Variants in SLC9C2 observed in about 807,000 individuals in gnomAD.
SLC9C2 encodes solute carrier family 9 member C2 (putative).
Under a neutral mutation model 140.2 loss-of-function variants are expected in SLC9C2, and 75 were observed. That is an observed-to-expected ratio of 0.53 (90% CI 0.44 to 0.65). The LOEUF (loss-of-function observed/expected upper bound fraction) is 0.65, where lower values mean the gene tolerates loss of function less well. Ranked by LOEUF, SLC9C2 falls within the 30% of genes least tolerant of loss-of-function variation. The pLI, the probability that SLC9C2 is intolerant of heterozygous loss-of-function variation, is 0.00. For missense variants in SLC9C2, 1,074 were observed against 1,331.8 expected (o/e 0.81, Z 3.01); for synonymous variants, 375 against 420.9 (o/e 0.89, Z 1.34).
At position 173,548,375 on chromosome 1, in the gene SLC9C2, A is replaced by G. The variant is rs778046239; in HGVS notation, c.1461+14T>C. ...AAGGAAAGGAAAACTACTTTTTGCC[A>G]GGTATCAACTCACAGGAATGTATTC... On this transcript the variant is annotated intron_variant, in intron 12 of 27. Transcript: ENST00000367714. The G allele has an allele frequency of 8.1e-6, 13 of 1,601,536 alleles. No homozygotes were observed. In the South Asian group the frequency reaches 1.5e-4, roughly 18 times the overall value.
At chr1:173,575,050 G>T (rs1207166601) in intron 8 of SLC9C2, among the ~76,000 whole-genome samples, 1 of 152,072 alleles carries the variant, frequency 6.6e-6, no homozygotes, top group Non-Finnish European at 1.5e-5. Context: ...AGCCCTGGAG[G>T]TGGAGGCCAT....
intron 21 of SLC9C2, among the ~76,000 whole-genome samples, chr1:173,522,583 G>A (rs1424957461): frequency 1.3e-5 from 2 of 152,156 alleles, no homozygotes; most frequent in Non-Finnish European, 2.9e-5. Flanking sequence ...TTTAGATAGA[G>A]AAAAATGTTT....
chr1:173,512,026 C>A (rs941599006), intron 23 of SLC9C2, among the ~76,000 whole-genome samples: 1 of 152,098 alleles, frequency 6.6e-6, no homozygotes, highest in Non-Finnish European at 1.5e-5. Flanking sequence ...TGTTTTGGTA[C>A]CAGTACCATG....
At chr1:173,589,222 A>T (rs1666023767) in intron 4 of SLC9C2, among the ~76,000 whole-genome samples, 1 of 152,114 alleles carries the variant, frequency 6.6e-6, no homozygotes, top group Non-Finnish European at 1.5e-5. Context: ...TTATTTGCCA[A>T]TTCAATTTTT....
Position 173,509,612 on chromosome 1 carries a change from G to T in SLC9C2, c.2995C>A (p.Leu999Ile), listed in dbSNP as rs925713768. The change falls in exon 24 of 28, where the codon CTC (leucine) becomes ATC (isoleucine). Residue 999 changes from leucine to isoleucine, a missense_variant. Leu to Ile is a conservative substitution (Grantham distance 5, BLOSUM62 2). Transcript: ENST00000367714. ...LEYKIWLKLALSTAYQYFESS... is the reference protein window; with the variant it reads ...LEYKIWLKLAISTAYQYFESS... The stretch of plus-strand genomic sequence containing the variant: ...TCAAAATACTGATAGGCAGTACTGA[G>T]AGCAAGCTTTAGCCATATTTTATAT... 5.0e-6 allele frequency: 8 copies of T among 1,597,718 alleles called. No individual in the cohort carries two copies. The highest frequency in any genetic ancestry group is 6.8e-6 in the Non-Finnish European group (8 of 1,174,984).
At chr1:173,521,853 T>C (rs1571460150) in intron 21 of SLC9C2, among the ~76,000 whole-genome samples, 1 of 115,562 alleles carries the variant, frequency 8.7e-6, no homozygotes, top group South Asian at 2.8e-4. Flanking sequence ...ATGGGATAAT[T>C]ATGACAAAGA....
chr1:173,571,488 T>A (rs1439578326), intron 9 of SLC9C2: 1 of 152,234 alleles, frequency 6.6e-6, no homozygotes, highest in African/African-American at 2.4e-5. Context: ...TGTCACTTTC[T>A]CATTGAGGCC....
intron 9 of SLC9C2, 111 bp from the exon 10 acceptor site, chr1:173,557,619 A>G (rs1663803710): frequency 9.8e-7 from 1 of 1,016,406 alleles, no homozygotes; most frequent in Non-Finnish European, 1.4e-6. Flanking sequence ...CGGGAAAGAA[A>G]AAAACAATGC....
chr1:173,587,868 T>G (rs756095489), intron 4 of SLC9C2, 38 bp from the exon 5 acceptor site: 1 of 1,499,944 alleles, frequency 6.7e-7, no homozygotes, highest in Non-Finnish European at 9.1e-7. Flanking sequence ...AGACTTAACA[T>G]CTAAAGATGG....
intron 13 of SLC9C2, among the ~76,000 whole-genome samples, chr1:173,540,634 G>C (rs776131971): frequency 6.6e-6 from 1 of 152,130 alleles, no homozygotes; most frequent in South Asian, 2.1e-4. Context: ...GAGGCAACTC[G>C]GAAGACAGAA....
chr1:173,503,287 A>G lies in SLC9C2; in HGVS notation c.3350T>C (p.Ile1117Thr), dbSNP rs1659406343. ...NTVFEQPGKN[I>T]NGRQKMS is the part of the protein sequence containing the mutation. ...TTACCTCATCTTTTGTCTTCCATTT[A>G]TATTCTTTCCTGGTTGTTCAAAGAC... is the stretch of plus-strand genomic sequence containing the variant. Residue 1117 changes from isoleucine (I) to threonine (T), a missense_variant, in exon 27 of 28, where the codon ATA becomes ACA. Ile to Thr is a moderately conservative substitution (Grantham distance 89). Transcript: ENST00000367714. 16 of 1,613,796 alleles carry G rather than the reference A, an allele frequency of 9.9e-6. No individual in the cohort carries two copies. In the East Asian group the frequency reaches 1.3e-4, roughly 13 times the overall value.
At chr1:173,504,448 C>T (rs765418014) in intron 26 of SLC9C2, among the ~76,000 whole-genome samples, 17 of 152,152 alleles carry the variant, frequency 1.1e-4, no homozygotes, top group Non-Finnish European at 1.9e-4. Flanking sequence ...CGTCACTCTT[C>T]GCACACAATT....
intron 4 of SLC9C2, among the ~76,000 whole-genome samples, chr1:173,591,982 T>G (rs543326510): frequency 2.0e-5 from 3 of 152,178 alleles, no homozygotes; most frequent in Non-Finnish European, 2.9e-5. Flanking sequence ...TTATCTTCCA[T>G]GGTTTTTATA....
intron 13 of SLC9C2, among the ~76,000 whole-genome samples, chr1:173,537,377 A>G (rs1662047501): frequency 6.6e-6 from 1 of 152,106 alleles, no homozygotes. Flanking sequence ...TCTGGGCAAC[A>G]CGGTGAAACC....
Position 173,595,490 on chromosome 1 carries a change from T to G in SLC9C2, c.357+2414A>C, listed in dbSNP as rs114099056. 2.8e-4 allele frequency among the ~76,000 whole-genome samples: 43 copies of G among 152,308 alleles called. 1 individual carries two copies. Among genetic ancestry groups the G allele is most frequent in the African/African-American group, 1.0e-3 (42 of 41,580 alleles). On this transcript the variant is annotated intron_variant, in intron 4 of 27. Coordinates refer to ENST00000367714, the MANE Select transcript of SLC9C2 (RefSeq NM_178527.4). Reference sequence around the variant, plus strand: ...AACTATCTTCTTAGGGTACCAAAGTTGTTAGGGATGCTTGGAAATATGATA... The same window carrying G: ...AACTATCTTCTTAGGGTACCAAAGTGGTTAGGGATGCTTGGAAATATGATA...
chr1:173,514,958 T>C (rs113274147), intron 23 of SLC9C2, among the ~76,000 whole-genome samples: 30,677 of 152,162 alleles, frequency 0.2, 4,295 homozygotes, highest in East Asian at 0.64. Context: ...ATTCTTTTCT[T>C]TAAGAATGTT....
intron 7 of SLC9C2, 28 bp from the exon 8 acceptor site, chr1:173,576,788 C>T: frequency 7.3e-7 from 1 of 1,375,198 alleles, no homozygotes; most frequent in Non-Finnish European, 1.0e-6. Context: ...ACAAATGAAT[C>T]AAATGCAATG....
At chr1:173,537,498 G>A (rs1159795534) in intron 13 of SLC9C2, among the ~76,000 whole-genome samples, 1 of 152,030 alleles carries the variant, frequency 6.6e-6, no homozygotes, top group Non-Finnish European at 1.5e-5. Flanking sequence ...GGAGGCGGAG[G>A]TTGTGGTGAG....
intron 9 of SLC9C2, among the ~76,000 whole-genome samples, chr1:173,566,617 C>CA (rs1043034748): frequency 7.3e-5 from 11 of 151,722 alleles, no homozygotes; most frequent in African/African-American, 2.7e-4. Flanking sequence ...TTTATCTTTT[C>CA]AAAAAACCAA....
Sources: allele counts gnomAD v4.1 joint callset (sites outside exome capture counted in the v4.1 genomes callset), GRCh38; gene constraint gnomAD v4.1.1; transcripts MANE v1.5; gene names NCBI Gene and HGNC (gene_info 2026-07-23, HGNC 2026-07-21).